Variants in FAAH2 observed in about 807,000 individuals in gnomAD.
FAAH2 encodes fatty-acid amide hydrolase 2.
FAAH2 carries 60 observed loss-of-function variants against 36.9 expected under a neutral mutation model. That is an observed-to-expected ratio of 1.63 (90% CI 1.32 to 2.02). FAAH2 has a LOEUF of 2.02. Among genes scored for constraint, FAAH2 ranks in the 30% most tolerant of loss-of-function variants. The pLI, the probability that FAAH2 is intolerant of heterozygous loss-of-function variation, is 0.00. For missense variants in FAAH2, 689 were observed against 397.5 expected, an observed-to-expected ratio of 1.73 and a Z score of -6.23; for synonymous variants, 214 against 143.8, an observed-to-expected ratio of 1.49 and a Z score of -3.49.
At chrX:57,199,073 C>A in the FAAH2 span, among the ~76,000 whole-genome samples, 1 of 110,271 alleles carries the variant, frequency 9.1e-6, no homozygotes, top group Admixed American at 9.6e-5. Flanking sequence ...AGTCTCCACA[C>A]ACTCTTCTGT....
chrX:57,184,698 G>T, the FAAH2 span, among the ~76,000 whole-genome samples: 1 of 112,316 alleles, frequency 8.9e-6, no homozygotes, highest in African/African-American at 3.2e-5. Context: ...AGTTGAATTT[G>T]TACTTGTAAA....
chrX:57,452,728 C>A (rs1295690147), intron 10 of FAAH2, among the ~76,000 whole-genome samples: 3 of 112,023 alleles, frequency 2.7e-5, no homozygotes, highest in Admixed American at 9.5e-5. Flanking sequence ...CTCTCTCAAG[C>A]AAACCAGCAA....
chrX:57,480,313 A>G (rs932518235), intron 10 of FAAH2, among the ~76,000 whole-genome samples: 2 of 112,024 alleles, frequency 1.8e-5, no homozygotes, highest in Admixed American at 9.5e-5. Context: ...CAACCAAAAA[A>G]TAGAATTTTA....
Position 57,341,365 on chromosome X carries a change from T to C in FAAH2, c.717T>C (p.Gly239=), listed in dbSNP as rs773407850. 5 of 1,208,611 alleles carry C rather than the reference T, an allele frequency of 4.1e-6. No homozygotes were observed. In the African/African-American group the frequency reaches 8.8e-5, roughly 21 times the overall value. The change falls in exon 5 of 11, where the codon GGT becomes GGC. Residue 239 remains glycine, a synonymous_variant. Coordinates refer to ENST00000374900, the MANE Select transcript of FAAH2 (RefSeq NM_174912.4). The part of the protein sequence containing the change: ...GSIRMPAFFN[G]IFGHKPSPGV... ...TTCGAATGCCTGCTTTCTTCAATGG[T>C]ATATTTGGACACAAGCCTTCTCCAG... is the stretch of plus-strand genomic sequence containing the variant.
chrX:57,206,314 T>C, the FAAH2 span, among the ~76,000 whole-genome samples: 1 of 112,218 alleles, frequency 8.9e-6, no homozygotes, highest in East Asian at 2.8e-4. Context: ...TCCCTATATA[T>C]GATTACTTTC....
chrX:57,184,878 C>T, the FAAH2 span, among the ~76,000 whole-genome samples: 9 of 111,676 alleles, frequency 8.1e-5, no homozygotes, highest in African/African-American at 2.9e-4. Context: ...TGTTTATTAG[C>T]AAAGTGCTGG....
chrX:57,402,203 C>A (rs982272356), intron 7 of FAAH2, among the ~76,000 whole-genome samples: 2 of 112,107 alleles, frequency 1.8e-5, no homozygotes, highest in African/African-American at 6.5e-5. Context: ...ACTCAGAGGA[C>A]CTTCGTCCCC....
At chrX:57,393,488 C>T (rs1192781782) in intron 7 of FAAH2, 9 of 953,847 alleles carry the variant, frequency 9.4e-6, no homozygotes, top group Admixed American at 2.2e-5. Context: ...GAGTGTGATC[C>T]GGTCTGCAAT....
chrX:57,190,358 A>T, the FAAH2 span, among the ~76,000 whole-genome samples: 4 of 108,714 alleles, frequency 3.7e-5, no homozygotes, highest in South Asian at 1.3e-3. Flanking sequence ...CTCACTGAGC[A>T]AGACCACTTG....
At chrX:57,165,667 G>GT in the FAAH2 span, among the ~76,000 whole-genome samples, 1 of 110,635 alleles carries the variant, frequency 9.0e-6, no homozygotes, top group East Asian at 2.8e-4. Flanking sequence ...ATGTGCACAT[G>GT]TACCCTAAAA....
At chrX:57,227,375 G>C in the FAAH2 span, among the ~76,000 whole-genome samples, 1 of 111,331 alleles carries the variant, frequency 9.0e-6, no homozygotes, top group African/African-American at 3.3e-5. Flanking sequence ...TTTTCGTGTG[G>C]ATGTGGCTTC....
chrX:57,340,393 A>T (rs2053657414), intron 4 of FAAH2, among the ~76,000 whole-genome samples: 1 of 111,795 alleles, frequency 8.9e-6, no homozygotes, highest in Admixed American at 9.5e-5. Context: ...AATACTTTGC[A>T]TTTTTTGATT....
At chrX:57,433,214 C>T (rs947524090) in intron 8 of FAAH2, among the ~76,000 whole-genome samples, 3 of 111,322 alleles carry the variant, frequency 2.7e-5, no homozygotes, top group African/African-American at 9.8e-5. Context: ...TGTTAACATA[C>T]ATGCTGACTG....
chrX:57,344,089 A>G (rs1278722035), intron 5 of FAAH2, among the ~76,000 whole-genome samples: 1 of 108,351 alleles, frequency 9.2e-6, no homozygotes, highest in Non-Finnish European at 1.9e-5. Context: ...GGCTGTTCAG[A>G]TGTATTATTG....
chrX:57,383,922 T>G (rs1270289844), intron 7 of FAAH2, among the ~76,000 whole-genome samples: 7 of 111,569 alleles, frequency 6.3e-5, no homozygotes, highest in Non-Finnish European at 3.8e-5. Flanking sequence ...GACTTCAAAC[T>G]ATACTGGAAG....
intron 3 of FAAH2, among the ~76,000 whole-genome samples, chrX:57,317,795 A>C (rs951830865): frequency 2.7e-5 from 3 of 111,956 alleles, no homozygotes; most frequent in African/African-American, 9.7e-5. Context: ...ATGCAAAATA[A>C]TGGAAAATAT....
At chrX:57,363,581 C>T (rs1025149893) in intron 5 of FAAH2, among the ~76,000 whole-genome samples, 9 of 111,166 alleles carry the variant, frequency 8.1e-5, no homozygotes, top group African/African-American at 2.9e-4. Flanking sequence ...ATTGCTCTGG[C>T]TAGGACTTCC....
At chrX:57,241,178 T>C in the FAAH2 span, among the ~76,000 whole-genome samples, 1 of 112,089 alleles carries the variant, frequency 8.9e-6, no homozygotes, top group African/African-American at 3.2e-5. Context: ...ACTCCTTCTT[T>C]ACACCAAATG....
At chrX:57,191,873 T>C in the FAAH2 span, among the ~76,000 whole-genome samples, 1 of 112,163 alleles carries the variant, frequency 8.9e-6, no homozygotes, top group African/African-American at 3.2e-5. Context: ...CATGCTGTTT[T>C]GGTTTCCATG....
Sources: gnomAD v4.1 joint callset for allele counts (sites outside exome capture counted in the v4.1 genomes callset) on GRCh38, gnomAD v4.1.1 for gene constraint, MANE v1.5 for transcripts, NCBI Gene and HGNC (gene_info 2026-07-23, HGNC 2026-07-21) for gene names.